Variants in PRMT3 observed in about 807,000 individuals in gnomAD.
PRMT3 encodes protein arginine N-methyltransferase 3.
Under a neutral mutation model 71.9 loss-of-function variants are expected in PRMT3, and 62 were observed. The ratio of observed to expected loss-of-function variants is 0.86; its 90% CI spans 0.70 to 1.07. The LOEUF is 1.07. Ranked by LOEUF, PRMT3 falls within the 50% of genes least tolerant of loss-of-function variation. The pLI, the probability that PRMT3 is intolerant of heterozygous loss-of-function variation, is 0.00. For missense variants in PRMT3, 663 were observed against 643.0 expected (o/e 1.03, Z -0.34); for synonymous variants, 213 against 220.4 (o/e 0.97, Z 0.30).
chr11:20,428,185 G>T (rs1159567555), intron 10 of PRMT3, among the ~76,000 whole-genome samples: 1 of 152,036 alleles, frequency 6.6e-6, no homozygotes, highest in Non-Finnish European at 1.5e-5. Flanking sequence ...GATTTCTCAT[G>T]AATTGAAAGA....
chr11:20,452,134 A>C lies in PRMT3; in HGVS notation c.998A>C (p.Tyr333Ser). The change falls in exon 11 of 16, where the codon TAT becomes TCT. Residue 333 changes from tyrosine (Y) to serine (S), a missense_variant. By Grantham distance (144) the Tyr-to-Ser change is moderately radical (BLOSUM62 -2). Coordinates refer to ENST00000331079, the MANE Select transcript of PRMT3 (RefSeq NM_005788.4). Reference sequence around the variant, plus strand: ...TTTTCCCCTTTTTTTATGCAGGGCTATTTTCTTCTGTTTGAGTCTATGTTA... The same window carrying C: ...TTTTCCCCTTTTTTTATGCAGGGCTCTTTTCTTCTGTTTGAGTCTATGTTA... ...VDVIISEWMG[Y>S]FLLFESMLDS... 2.5e-6 allele frequency: 4 copies of C among 1,603,188 alleles called. No homozygotes were observed. The South Asian group carries it at 4.4e-5, about 18-fold the overall frequency.
chr11:20,473,265 C>T (rs1850695884), intron 13 of PRMT3, among the ~76,000 whole-genome samples: 6 of 151,878 alleles, frequency 4.0e-5, no homozygotes, highest in Admixed American at 3.9e-4. Context: ...TTCTTGTCTT[C>T]TGCTAGGTTT....
chr11:20,498,084 C>A (rs1382820911), intron 15 of PRMT3, among the ~76,000 whole-genome samples: 1 of 152,100 alleles, frequency 6.6e-6, no homozygotes, highest in African/African-American at 2.4e-5. Flanking sequence ...AAGAAAAGAT[C>A]AGTGAACTTG....
intron 13 of PRMT3, among the ~76,000 whole-genome samples, chr11:20,491,952 A>G (rs1389631813): frequency 6.6e-6 from 1 of 152,218 alleles, no homozygotes; most frequent in Non-Finnish European, 1.5e-5. Context: ...CAATGCTTTA[A>G]TAAAGTATAC....
intron 10 of PRMT3, among the ~76,000 whole-genome samples, chr11:20,445,845 A>G (rs532048144): frequency 6.6e-6 from 1 of 152,208 alleles, no homozygotes; most frequent in East Asian, 1.9e-4. Flanking sequence ...TCTTTTTAAA[A>G]TGTGTTTTTG....
intron 12 of PRMT3, among the ~76,000 whole-genome samples, chr11:20,463,121 C>T (rs979884502): frequency 5.3e-5 from 8 of 152,190 alleles, no homozygotes; most frequent in African/African-American, 1.9e-4. Context: ...GCCTCGGCCT[C>T]CCGAAGTGCT....
At chr11:20,398,163 C>T (rs1848872297) in intron 7 of PRMT3, among the ~76,000 whole-genome samples, 1 of 151,660 alleles carries the variant, frequency 6.6e-6, no homozygotes, top group Non-Finnish European at 1.5e-5. Context: ...TAAATAGGAA[C>T]AATTAGATGG....
At chr11:20,505,700 A>G (rs1565244042) in intron 15 of PRMT3, among the ~76,000 whole-genome samples, 1 of 152,190 alleles carries the variant, frequency 6.6e-6, no homozygotes, top group African/African-American at 2.4e-5. Flanking sequence ...AAAAGTCAAA[A>G]TAGGAAAATC....
At chr11:20,414,296 T>C (rs936106980) in intron 9 of PRMT3, among the ~76,000 whole-genome samples, 1 of 152,324 alleles carries the variant, frequency 6.6e-6, no homozygotes, top group Non-Finnish European at 1.5e-5. Context: ...TGGTTGTTAC[T>C]GTAAACTGAC....
chr11:20,459,772 A>G (rs1033560400), intron 11 of PRMT3, among the ~76,000 whole-genome samples: 5 of 152,192 alleles, frequency 3.3e-5, no homozygotes, highest in Admixed American at 2.0e-4. Flanking sequence ...AGTGTTTCTC[A>G]TCCTAAGGAT....
intron 3 of PRMT3, among the ~76,000 whole-genome samples, chr11:20,390,768 A>G (rs1000604962): frequency 6.6e-6 from 1 of 152,244 alleles, no homozygotes; most frequent in Non-Finnish European, 1.5e-5. Flanking sequence ...TCACAAGGTC[A>G]AGAGATTGAG....
chr11:20,448,975 C>T (rs947271452), intron 10 of PRMT3, among the ~76,000 whole-genome samples: 11 of 152,056 alleles, frequency 7.2e-5, no homozygotes, highest in Middle Eastern at 3.2e-3. Context: ...TGCAGATGAG[C>T]GGGGCATTTG....
intron 15 of PRMT3, among the ~76,000 whole-genome samples, chr11:20,497,273 C>T (rs774860754): frequency 6.6e-6 from 1 of 152,160 alleles, no homozygotes; most frequent in Non-Finnish European, 1.5e-5. Flanking sequence ...TTGTGCTTTG[C>T]TCTTAGGTAT....
intron 13 of PRMT3, among the ~76,000 whole-genome samples, chr11:20,476,628 A>C (rs1419599533): frequency 6.6e-6 from 1 of 152,042 alleles, no homozygotes; most frequent in Non-Finnish European, 1.5e-5. Flanking sequence ...CCTTTGAGAT[A>C]ATTTTTTTCA....
At chr11:20,491,490 T>TA (rs1851205221) in intron 13 of PRMT3, among the ~76,000 whole-genome samples, 1 of 152,194 alleles carries the variant, frequency 6.6e-6, no homozygotes, top group Non-Finnish European at 1.5e-5. Flanking sequence ...CAAGCCCAGT[T>TA]AAAATCAGAC....
intron 9 of PRMT3, among the ~76,000 whole-genome samples, chr11:20,409,527 T>G (rs1590042520): frequency 6.6e-6 from 1 of 152,156 alleles, no homozygotes; most frequent in African/African-American, 2.4e-5. Context: ...TGTTAAATAT[T>G]TGGAGCGTTA....
chr11:20,397,158 A>G (rs1848843879), intron 6 of PRMT3, among the ~76,000 whole-genome samples: 1 of 152,162 alleles, frequency 6.6e-6, no homozygotes, highest in Non-Finnish European at 1.5e-5. Context: ...ATAATTATCT[A>G]TTTGGGTCTA....
chr11:20,434,082 G>A (rs1849713350), intron 10 of PRMT3, among the ~76,000 whole-genome samples: 1 of 152,154 alleles, frequency 6.6e-6, no homozygotes, highest in African/African-American at 2.4e-5. Context: ...ACTGGTGTGA[G>A]ATGGTATCTC....
intron 9 of PRMT3, among the ~76,000 whole-genome samples, chr11:20,414,309 T>C (rs11025557): frequency 0.048 from 7,369 of 152,222 alleles, 273 homozygotes; most frequent in East Asian, 0.2. Context: ...AAACTGACAG[T>C]ATATCAGGTT....
Sources: allele counts gnomAD v4.1 joint callset (sites outside exome capture counted in the v4.1 genomes callset), GRCh38; gene constraint gnomAD v4.1.1; transcripts MANE v1.5; gene names NCBI Gene and HGNC (gene_info 2026-07-23, HGNC 2026-07-21).